Variants in FRMD5 observed in about 807,000 individuals in gnomAD.
FRMD5 encodes FERM domain containing 5, also known as FERM domain-containing protein 5.
Under a neutral mutation model 69.0 loss-of-function variants are expected in FRMD5, and 20 were observed. That is an observed-to-expected ratio of 0.29 (90% CI 0.20 to 0.42). FRMD5 has a LOEUF of 0.42. Among genes scored for constraint, FRMD5 ranks in the 10% least tolerant of loss-of-function variants. The probability of loss-of-function intolerance (pLI) is 1.00; values close to 1 mark genes in which losing one functional copy is unlikely to be tolerated. For missense variants in FRMD5, 595 were observed against 708.6 expected (o/e 0.84, Z 1.82); for synonymous variants, 271 against 260.1 (o/e 1.04, Z -0.40).
rs181301814 is a variant in FRMD5, at chr15:44,148,432, C to T, written c.102+46521G>A. Among the ~76,000 whole-genome samples, 45 of 152,184 alleles carry T rather than the reference C, an allele frequency of 3.0e-4. No individual in the cohort carries two copies. The East Asian group carries it at 4.8e-3, about 16-fold the overall frequency. On this transcript the variant is annotated intron_variant, in intron 1 of 13. Transcript: ENST00000417257. ...GACTACAGGCGCCCGCCACAACGCC[C>T]GGCTAATTTTTTGTATTTTTAGTTG... is the stretch of plus-strand genomic sequence containing the variant.
intron 1 of FRMD5, among the ~76,000 whole-genome samples, chr15:43,999,967 T>TATATGCCCTGC (rs55916455): frequency 2.4e-5 from 1 of 42,022 alleles, no homozygotes; most frequent in Admixed American, 3.2e-4. Flanking sequence ...TATATATATA[T>TATATGCCCTGC]ATATATATAT....
intron 1 of FRMD5, among the ~76,000 whole-genome samples, chr15:44,137,668 TTA>T: frequency 6.6e-6 from 1 of 152,218 alleles, no homozygotes; most frequent in East Asian, 1.9e-4. Flanking sequence ...TGACAATAAA[TTA>T]TATGATTATA....
intron 1 of FRMD5, among the ~76,000 whole-genome samples, chr15:44,043,298 T>G (rs537402082): frequency 3.9e-5 from 6 of 152,258 alleles, no homozygotes; most frequent in South Asian, 2.1e-4. Context: ...TGGAAAAACA[T>G]TCCATGCTCA....
intron 1 of FRMD5, among the ~76,000 whole-genome samples, chr15:44,110,398 TG>T (rs929486727): frequency 6.6e-6 from 1 of 152,244 alleles, no homozygotes; most frequent in African/African-American, 2.4e-5. Flanking sequence ...TCAGTTCATT[TG>T]GGTAAATACC....
At chr15:44,009,965 A>G (rs1890639104) in intron 1 of FRMD5, among the ~76,000 whole-genome samples, 1 of 152,324 alleles carries the variant, frequency 6.6e-6, no homozygotes, top group Admixed American at 6.5e-5. Flanking sequence ...TTGGAACCTG[A>G]GTATATTAGA....
chr15:43,924,433 A>C (rs2041458483), intron 1 of FRMD5, 124 bp from the exon 2 acceptor site: 6 of 669,410 alleles, frequency 9.0e-6, no homozygotes, highest in Non-Finnish European at 1.6e-5. Context: ...GTGAATGTCC[A>C]TAACTATGTC....
intron 1 of FRMD5, among the ~76,000 whole-genome samples, chr15:44,166,137 A>G (rs1045637463): frequency 3.3e-5 from 5 of 152,124 alleles, no homozygotes; most frequent in African/African-American, 1.2e-4. Flanking sequence ...ATACATTTGG[A>G]ACTTATTTAA....
chr15:43,992,100 A>G (rs1889712603), intron 1 of FRMD5, among the ~76,000 whole-genome samples: 1 of 152,230 alleles, frequency 6.6e-6, no homozygotes, highest in African/African-American at 2.4e-5. Flanking sequence ...AAAATAATAA[A>G]GTTGGCTTTA....
At chr15:44,153,484 T>G (rs569342242) in intron 1 of FRMD5, among the ~76,000 whole-genome samples, 8 of 152,342 alleles carry the variant, frequency 5.3e-5, no homozygotes, top group Middle Eastern at 3.4e-3. Context: ...AAATACTGTA[T>G]GATTCCATTT....
At chr15:43,929,065 T>C (rs1025246905) in intron 1 of FRMD5, among the ~76,000 whole-genome samples, 6 of 152,162 alleles carry the variant, frequency 3.9e-5, no homozygotes, top group Non-Finnish European at 7.3e-5. Flanking sequence ...GTACAACCCA[T>C]TTATTCTCTC....
rs925189953 is a variant in FRMD5 at position 44,100,035 on chromosome 15, GCTT to G, written c.102+94915_102+94917del. 7.4e-4 allele frequency among the ~76,000 whole-genome samples: 110 copies of G among 149,102 alleles called. 1 individual carries two copies. The highest frequency in any genetic ancestry group is 2.5e-3 in the African/African-American group (103 of 40,540). On this transcript the variant is annotated intron_variant, in intron 1 of 13. Coordinates refer to ENST00000417257, the MANE Select transcript of FRMD5 (RefSeq NM_032892.5). The stretch of plus-strand genomic sequence containing the variant: ...CCAGTCATCCTGACTGTATCTAATA[GCTT>G]CTTCTTCTCTTTTTTTTTTTTTTTT...
chr15:44,104,661 C>T (rs1595467732), intron 1 of FRMD5, among the ~76,000 whole-genome samples: 1 of 152,178 alleles, frequency 6.6e-6, no homozygotes, highest in Non-Finnish European at 1.5e-5. Flanking sequence ...ACATGCTATA[C>T]AGGTTTGTAG....
intron 1 of FRMD5, among the ~76,000 whole-genome samples, chr15:44,040,148 C>A (rs1441592317): frequency 2.0e-5 from 3 of 151,824 alleles, no homozygotes; most frequent in African/African-American, 7.3e-5. Context: ...AGAAAGCCCC[C>A]AAGAAATATG....
At chr15:43,946,936 A>G (rs765206363) in intron 1 of FRMD5, among the ~76,000 whole-genome samples, 16 of 152,212 alleles carry the variant, frequency 1.1e-4, no homozygotes, top group Non-Finnish European at 1.9e-4. Flanking sequence ...AGTCTTTAGA[A>G]CACCAGGTAA....
In FRMD5 at chr15:44,107,235, A is replaced by G. The variant is rs148073778; in HGVS notation, c.102+87718T>C. ...GGGATACAACCTTAACCATAGCTAG[A>G]GAAAATAGCTGAGGACAGAGAGGCA... On this transcript the variant is annotated intron_variant, in intron 1 of 13. Coordinates refer to ENST00000417257, the MANE Select transcript of FRMD5 (RefSeq NM_032892.5). Among the ~76,000 whole-genome samples, 34 of 152,358 alleles carry G rather than the reference A, an allele frequency of 2.2e-4. No individual in the cohort carries two copies. In the South Asian group the frequency reaches 5.4e-3, roughly 24 times the overall value.
chr15:44,184,517 A>T (rs2078066197), intron 1 of FRMD5, among the ~76,000 whole-genome samples: 1 of 152,214 alleles, frequency 6.6e-6, no homozygotes, highest in Non-Finnish European at 1.5e-5. Flanking sequence ...GTACATTTAC[A>T]TACACTATGA....
At chr15:43,894,506 GGAGGCAGAGGT>G (rs1235131540) in intron 7 of FRMD5, among the ~76,000 whole-genome samples, 4 of 152,076 alleles carry the variant, frequency 2.6e-5, no homozygotes, top group African/African-American at 4.8e-5. Flanking sequence ...AAATGAGAGG[GGAGGCAGAGGT>G]GAGGCAGAGG....
intron 1 of FRMD5, among the ~76,000 whole-genome samples, chr15:44,136,606 C>A (rs1252852797): frequency 6.6e-6 from 1 of 152,100 alleles, no homozygotes; most frequent in Non-Finnish European, 1.5e-5. Context: ...CCTTTATTAC[C>A]TTGCAGTGGT....
chr15:44,088,895 C>T lies in FRMD5; in HGVS notation c.102+106058G>A, dbSNP rs115475930. Among the ~76,000 whole-genome samples, 732 of 152,274 alleles carry T rather than the reference C, an allele frequency of 4.8e-3. 12 individuals are homozygous for T. The highest frequency in any genetic ancestry group is 0.017 in the African/African-American group (701 of 41,556). ...CAGTCTGACTACAAAGCCGTAAGAC[C>T]CTAAGCCCCTAAACTGTTAAGCTCT... On this transcript the variant is annotated intron_variant, in intron 1 of 13. Transcript: ENST00000417257.
Sources: gnomAD v4.1 joint callset for allele counts (sites outside exome capture counted in the v4.1 genomes callset) on GRCh38, gnomAD v4.1.1 for gene constraint, MANE v1.5 for transcripts, NCBI Gene and HGNC (gene_info 2026-07-23, HGNC 2026-07-21) for gene names.